PSD3: variants seen among roughly 807,000 people sequenced by gnomAD.
PSD3 encodes the protein pleckstrin and Sec7 domain containing 3, also known as PH and SEC7 domain-containing protein 3.
PSD3 carries 49 observed loss-of-function variants against 105.5 expected under a neutral mutation model. The observed-to-expected ratio is 0.46, with a 90% confidence interval of 0.37 to 0.59. The LOEUF (loss-of-function observed/expected upper bound fraction) is 0.59, where lower values mean the gene tolerates loss of function less well. Among genes scored for constraint, PSD3 ranks in the 20% least tolerant of loss-of-function variants. PSD3 has a pLI of 0.00. For missense variants in PSD3, 1,561 were observed against 1,263.8 expected (o/e 1.24, Z -3.57); for synonymous variants, 557 against 457.8 (o/e 1.22, Z -2.77).
intron 8 of PSD3, among the ~76,000 whole-genome samples, chr8:18,792,477 C>T (rs1563273918): frequency 6.6e-6 from 1 of 152,272 alleles, no homozygotes; most frequent in Admixed American, 6.5e-5. Flanking sequence ...AAACCAATTA[C>T]CATGTGTGCT....
At chr8:18,793,401 C>A (rs1197733927) in intron 8 of PSD3, among the ~76,000 whole-genome samples, 1 of 146,544 alleles carries the variant, frequency 6.8e-6, no homozygotes, top group Admixed American at 6.8e-5. Flanking sequence ...AACTGGGTGA[C>A]GAGATGATCT....
At chr8:18,565,971 G>A (rs987830088) in intron 14 of PSD3, among the ~76,000 whole-genome samples, 1 of 152,082 alleles carries the variant, frequency 6.6e-6, no homozygotes, top group Non-Finnish European at 1.5e-5. Flanking sequence ...ACACCAAAAT[G>A]TTAATGCTGC....
At chr8:18,956,849 C>A (rs56851678) in intron 1 of PSD3, among the ~76,000 whole-genome samples, 59,441 of 151,844 alleles carry the variant, frequency 0.39, 11,809 homozygotes, top group Non-Finnish European at 0.41. Context: ...CCTCTGACCT[C>A]ATCAGCTGAG....
intron 15 of PSD3, among the ~76,000 whole-genome samples, chr8:18,536,503 T>C (rs894843039): frequency 3.9e-5 from 6 of 152,330 alleles, no homozygotes; most frequent in African/African-American, 1.4e-4. Flanking sequence ...TACCACCTTC[T>C]AGAAGCTGCT....
At chr8:18,911,438 G>C (rs982754787) in intron 2 of PSD3, among the ~76,000 whole-genome samples, 2 of 152,036 alleles carry the variant, frequency 1.3e-5, no homozygotes, top group Non-Finnish European at 2.9e-5. Flanking sequence ...TGCTTGACTG[G>C]GCATGGCAGA....
intron 14 of PSD3, among the ~76,000 whole-genome samples, chr8:18,557,946 G>A (rs1313230510): frequency 6.6e-6 from 1 of 152,172 alleles, no homozygotes; most frequent in Non-Finnish European, 1.5e-5. Context: ...AGTAATAATG[G>A]TTAAATGAGG....
intron 4 of PSD3, among the ~76,000 whole-genome samples, chr8:18,848,472 G>A (rs767636679): frequency 6.6e-6 from 1 of 152,184 alleles, no homozygotes; most frequent in Admixed American, 6.5e-5. Context: ...AAGAGATACT[G>A]CTGACTCAGG....
intron 4 of PSD3, among the ~76,000 whole-genome samples, chr8:18,825,653 T>C (rs938425209): frequency 6.6e-6 from 1 of 152,260 alleles, no homozygotes; most frequent in Non-Finnish European, 1.5e-5. Flanking sequence ...TAAGAAATTA[T>C]GATTCATACT....
chr8:18,990,051 T>G (rs541169965), intron 1 of PSD3, among the ~76,000 whole-genome samples: 1 of 152,350 alleles, frequency 6.6e-6, no homozygotes, highest in South Asian at 2.1e-4. Context: ...ACACAAAATG[T>G]GGCTCATTTA....
At chr8:19,023,975 C>A (rs1021517430) in intron 1 of PSD3, among the ~76,000 whole-genome samples, 8 of 152,144 alleles carry the variant, frequency 5.3e-5, no homozygotes, top group Non-Finnish European at 1.0e-4. Flanking sequence ...AAAACCAAAC[C>A]TTTTCCTAAG....
intron 1 of PSD3, among the ~76,000 whole-genome samples, chr8:18,986,586 GA>G (rs964652842): frequency 4.1e-5 from 6 of 146,928 alleles, no homozygotes; most frequent in African/African-American, 1.0e-4. Flanking sequence ...TTCAATGTTT[GA>G]AAAAAAAAAT....
intron 1 of PSD3, among the ~76,000 whole-genome samples, chr8:19,059,641 GA>G (rs1475156127): frequency 6.6e-6 from 1 of 152,148 alleles, no homozygotes; most frequent in Non-Finnish European, 1.5e-5. Context: ...AGTTAGTCAA[GA>G]AATTTAAAAA....
chr8:18,782,568 G>A (rs1314611073), intron 8 of PSD3, among the ~76,000 whole-genome samples: 1 of 152,190 alleles, frequency 6.6e-6, no homozygotes, highest in Non-Finnish European at 1.5e-5. Flanking sequence ...TGGCAACTCT[G>A]GGATGGATAT....
chr8:18,941,278 C>G (rs1822519856), intron 1 of PSD3, among the ~76,000 whole-genome samples: 2 of 152,130 alleles, frequency 1.3e-5, no homozygotes, highest in South Asian at 4.1e-4. Context: ...TCGATAGTAC[C>G]ACGCAGTCTC....
At chr8:18,752,593 T>A (rs1321305737) in intron 9 of PSD3, among the ~76,000 whole-genome samples, 2 of 80,186 alleles carry the variant, frequency 2.5e-5, no homozygotes, top group African/African-American at 6.9e-5. Context: ...ATATTATATA[T>A]TATATATTAT....
At chr8:18,545,454 C>T (rs536583559) in intron 15 of PSD3, among the ~76,000 whole-genome samples, 3 of 151,900 alleles carry the variant, frequency 2.0e-5, no homozygotes, top group Non-Finnish European at 2.9e-5. Context: ...ATGGGATTAC[C>T]GAGTTTGTTG....
chr8:19,077,472 G>A (rs1829495854), intron 1 of PSD3, among the ~76,000 whole-genome samples: 1 of 152,000 alleles, frequency 6.6e-6, no homozygotes, highest in Admixed American at 6.6e-5. Context: ...AAGGAAGGTG[G>A]ACGTCCTTAA....
At chr8:18,681,881 A>T (rs1800408326) in intron 9 of PSD3, among the ~76,000 whole-genome samples, 1 of 152,126 alleles carries the variant, frequency 6.6e-6, no homozygotes, top group Non-Finnish European at 1.5e-5. Flanking sequence ...ATATGCCTCA[A>T]AAAAATACTA....
At chr8:18,581,198 T>A (rs1802793451) in intron 12 of PSD3, among the ~76,000 whole-genome samples, 1 of 152,206 alleles carries the variant, frequency 6.6e-6, no homozygotes, top group Admixed American at 6.5e-5. Context: ...AGGAATGGAA[T>A]CATTTTAATG....
Sources: gnomAD v4.1 joint callset for allele counts (sites outside exome capture counted in the v4.1 genomes callset) on GRCh38, gnomAD v4.1.1 for gene constraint, MANE v1.5 for transcripts, NCBI Gene and HGNC (gene_info 2026-07-23, HGNC 2026-07-21) for gene names.